Variants in RBFOX2 observed in about 807,000 individuals in gnomAD.
RBFOX2 encodes the protein RNA binding fox-1 homolog 2.
RBFOX2 carries 10 observed loss-of-function variants against 49.1 expected under a neutral mutation model. The ratio of observed to expected loss-of-function variants is 0.20; its 90% confidence interval spans 0.13 to 0.35. The LOEUF is 0.35. RBFOX2 is among the 10% of genes least tolerant of loss of function. The probability of loss-of-function intolerance (pLI) is 1.00; values close to 1 mark genes in which losing one functional copy is unlikely to be tolerated. For missense variants in RBFOX2, 323 were observed against 486.9 expected, an observed-to-expected ratio of 0.66 and a Z score of 3.17; for synonymous variants, 183 against 187.4, an observed-to-expected ratio of 0.98 and a Z score of 0.19.
Position 35,985,758 on chromosome 22 carries a change from T to C in RBFOX2, c.186+42482A>G, listed in dbSNP as rs139514407. Among the ~76,000 whole-genome samples the C allele has an allele frequency of 4.7e-3, 720 of 152,148 alleles. 3 individuals are homozygous for C. The highest frequency in any genetic ancestry group is 7.6e-3 in the Non-Finnish European group (516 of 67,998). On this transcript the variant is annotated intron_variant, in intron 1 of 13. Coordinates refer to the RBFOX2 transcript ENST00000438146. ...AAGAGGAGACAACGGGGTCAAAGAATAGAAAGAGAAAAGGACAGTCTCCTT... is the reference window on the plus strand; with the variant it reads ...AAGAGGAGACAACGGGGTCAAAGAACAGAAAGAGAAAAGGACAGTCTCCTT...
At chr22:35,817,815 A>T (rs1197758207) in intron 1 of RBFOX2, among the ~76,000 whole-genome samples, 1 of 152,154 alleles carries the variant, frequency 6.6e-6, no homozygotes, top group East Asian at 1.9e-4. Context: ...ATAAATTTTT[A>T]AAAAACCAGG....
At chr22:35,966,748 T>A (rs186364727) in intron 1 of RBFOX2, among the ~76,000 whole-genome samples, 4 of 152,286 alleles carry the variant, frequency 2.6e-5, no homozygotes, top group Admixed American at 1.3e-4. Context: ...ACTAGCCAGA[T>A]CCCTATACTA....
Position 35,793,246 on chromosome 22 carries a change from C to A in RBFOX2, c.253-11500G>T, listed in dbSNP as rs1009158424. Among the ~76,000 whole-genome samples, 5 of 152,246 alleles carry A rather than the reference C, an allele frequency of 3.3e-5. No homozygotes were observed. The East Asian group carries it at 9.7e-4, about 29-fold the overall frequency. On this transcript the variant is annotated intron_variant, in intron 2 of 11. Transcript: ENST00000405409. Reference sequence around the variant, plus strand: ...GAAATTAGCCAGGTGTGGTGGCAGGCGCCTGTAATTCCAGCTACTTGGAGG... The same window carrying A: ...GAAATTAGCCAGGTGTGGTGGCAGGAGCCTGTAATTCCAGCTACTTGGAGG...
At chr22:35,826,065 G>C (rs1955653180) in intron 1 of RBFOX2, among the ~76,000 whole-genome samples, 1 of 149,596 alleles carries the variant, frequency 6.7e-6, no homozygotes, top group Admixed American at 6.7e-5. Context: ...AAAAAAGCCG[G>C]GTGCAGCGGC....
chr22:35,870,729 C>CT (rs2044263726), intron 1 of RBFOX2, among the ~76,000 whole-genome samples: 1 of 152,112 alleles, frequency 6.6e-6, no homozygotes, highest in Non-Finnish European at 1.5e-5. Context: ...GTCATTTGAA[C>CT]TTTCAGGATC....
chr22:35,787,554 G>A (rs944767163), intron 2 of RBFOX2, among the ~76,000 whole-genome samples: 8 of 152,210 alleles, frequency 5.3e-5, no homozygotes, highest in Admixed American at 2.0e-4. Flanking sequence ...GTACTTAAAT[G>A]AGATCTTATC....
chr22:36,015,122 A>T (rs1189761339), intron 1 of RBFOX2, among the ~76,000 whole-genome samples: 1 of 152,134 alleles, frequency 6.6e-6, no homozygotes, highest in African/African-American at 2.4e-5. Flanking sequence ...CCAAATACAG[A>T]CCTTTTGAGT....
At chr22:35,766,462 C>G (rs755485504) in intron 5 of RBFOX2, among the ~76,000 whole-genome samples, 3 of 151,846 alleles carry the variant, frequency 2.0e-5, no homozygotes, top group Non-Finnish European at 4.4e-5. Flanking sequence ...ATGAAAAGAC[C>G]AATTTTAGGT....
At chr22:35,765,997 C>T (rs1395350444) in intron 5 of RBFOX2, among the ~76,000 whole-genome samples, 2 of 152,016 alleles carry the variant, frequency 1.3e-5, no homozygotes, top group Admixed American at 1.3e-4. Flanking sequence ...CCTAAGATTC[C>T]CCTGCTGACA....
intron 9 of RBFOX2, among the ~76,000 whole-genome samples, chr22:35,756,741 A>G (rs1396214375): frequency 6.6e-6 from 1 of 152,190 alleles, no homozygotes; most frequent in East Asian, 1.9e-4. Context: ...ACATGCGATA[A>G]GATTTGGCTG....
rs569516525 is a variant in RBFOX2, at chr22:35,978,557, T to C, written c.187-39660A>G. Among the ~76,000 whole-genome samples the C allele has an allele frequency of 8.5e-5, 13 of 152,232 alleles. No individual in the cohort carries two copies. In the South Asian group the frequency reaches 2.5e-3, roughly 29 times the overall value. On this transcript the variant is annotated intron_variant, in intron 1 of 13. Transcript: ENST00000438146. ...GATTCCAAGGCTTTGGTAGGAAAAG[T>C]ACAAAATAAACTTGGAAAACCTTCT...
Position 35,778,101 on chromosome 22 carries a change from G to A in RBFOX2, c.400-23C>T, listed in dbSNP as rs9610352. 5.8e-4 allele frequency: 916 copies of A among 1,581,446 alleles called. 2 individuals are homozygous for A. Among genetic ancestry groups the A allele is most frequent in the Admixed American group, 3.4e-3 (194 of 57,786 alleles). ...CTGCTGCAGAGATAAAAATAAAAAC[G>A]TTTACTTATGGTCAGGTTTTTATCC... is the stretch of plus-strand genomic sequence containing the variant. On this transcript the variant is annotated intron_variant, in intron 3 of 11. Transcript: ENST00000405409.
intron 1 of RBFOX2, chr22:35,999,048 G>T (rs1306389879): frequency 1.3e-5 from 2 of 152,426 alleles, no homozygotes; most frequent in Admixed American, 6.5e-5. Context: ...GCCAACAGAT[G>T]AGAATGTCCC....
intron 1 of RBFOX2, among the ~76,000 whole-genome samples, chr22:35,854,419 T>C (rs1039199167): frequency 3.9e-5 from 6 of 151,916 alleles, no homozygotes; most frequent in Non-Finnish European, 7.4e-5. Context: ...ACCCTGCCTA[T>C]AGCCCCGCCC....
intron 1 of RBFOX2, among the ~76,000 whole-genome samples, chr22:35,853,658 CGT>C (rs36048607): frequency 0.2 from 28,396 of 140,672 alleles, 2,758 homozygotes; most frequent in Middle Eastern, 0.27. Flanking sequence ...TATATACACA[CGT>C]GTGTGTGTGT....
chr22:35,965,739 C>A (rs987930863), upstream of RBFOX2, among the ~76,000 whole-genome samples: 1 of 152,162 alleles, frequency 6.6e-6, no homozygotes, highest in South Asian at 2.1e-4. Context: ...CCACATAACA[C>A]CCCAACACAT....
At chr22:35,809,362 T>C (rs1009918758) in intron 2 of RBFOX2, among the ~76,000 whole-genome samples, 1 of 152,168 alleles carries the variant, frequency 6.6e-6, no homozygotes, top group Non-Finnish European at 1.5e-5. Context: ...AGAGTTATGG[T>C]TGTCAAGACT....
chr22:35,810,535 T>A (rs1216301219), intron 1 of RBFOX2, among the ~76,000 whole-genome samples: 1 of 151,946 alleles, frequency 6.6e-6, no homozygotes, highest in Non-Finnish European at 1.5e-5. Flanking sequence ...CACACACACA[T>A]CCCAAGAGAA....
chr22:35,924,043 A>T (rs1343900275), intron 1 of RBFOX2, among the ~76,000 whole-genome samples: 1 of 152,178 alleles, frequency 6.6e-6, no homozygotes, highest in Non-Finnish European at 1.5e-5. Context: ...TTCACTCATT[A>T]ACAACTACAT....
Sources: gnomAD v4.1 joint callset for allele counts (sites outside exome capture counted in the v4.1 genomes callset) on GRCh38, gnomAD v4.1.1 for gene constraint, MANE v1.5 for transcripts, NCBI Gene and HGNC (gene_info 2026-07-23, HGNC 2026-07-21) for gene names.